MYT1L: variants seen among roughly 807,000 people sequenced by gnomAD.
MYT1L encodes myelin transcription factor 1-like protein.
In MYT1L, 12 loss-of-function variants were observed where a neutral mutation model predicts 126.7. The observed-to-expected ratio is 0.09, with a 90% CI of 0.06 to 0.15. The LOEUF (loss-of-function observed/expected upper bound fraction) is 0.15, where lower values mean the gene tolerates loss of function less well. MYT1L is among the 10% of genes least tolerant of loss of function. The pLI, the probability that MYT1L is intolerant of heterozygous loss-of-function variation, is 1.00. For synonymous variants in MYT1L, 541 were observed against 604.2 expected, an observed-to-expected ratio of 0.90 and a Z score of 1.53; for missense variants, 979 against 1,585.2, an observed-to-expected ratio of 0.62 and a Z score of 6.49.
intron 20 of MYT1L, among the ~76,000 whole-genome samples, chr2:1,839,839 T>C (rs2041420888): frequency 6.6e-6 from 1 of 152,242 alleles, no homozygotes; most frequent in Non-Finnish European, 1.5e-5. Context: ...TGGCCGTATC[T>C]TCTGGAGGCC....
At chr2:2,145,210 CTG>C (rs1292853641) in intron 3 of MYT1L, among the ~76,000 whole-genome samples, 1 of 152,176 alleles carries the variant, frequency 6.6e-6, no homozygotes, top group African/African-American at 2.4e-5. Context: ...GCCTCATTGT[CTG>C]TGTACGACCT....
chr2:2,142,939 G>A (rs2084239265), intron 3 of MYT1L, among the ~76,000 whole-genome samples: 2 of 151,124 alleles, frequency 1.3e-5, no homozygotes, highest in Admixed American at 6.6e-5. Context: ...TGCCTGCCTC[G>A]GCCTCCCAAA....
At chr2:1,994,492 G>A (rs1007398033) in intron 5 of MYT1L, among the ~76,000 whole-genome samples, 3 of 152,120 alleles carry the variant, frequency 2.0e-5, no homozygotes, top group African/African-American at 4.8e-5. Flanking sequence ...CCCCTGGGCC[G>A]TGCTGTCTCC....
intron 4 of MYT1L, among the ~76,000 whole-genome samples, chr2:2,013,919 T>C (rs1237432888): frequency 6.6e-6 from 1 of 152,206 alleles, no homozygotes; most frequent in Non-Finnish European, 1.5e-5. Flanking sequence ...CACATAAACT[T>C]TTTAAGGCAC....
At chr2:2,001,237 C>CTTTTTTTTTTTTTTTTCTTTTTTTTTTT (rs11389323) in intron 4 of MYT1L, among the ~76,000 whole-genome samples, 1 of 103,910 alleles carries the variant, frequency 9.6e-6, no homozygotes, top group Non-Finnish European at 1.9e-5. Context: ...TTGGTTTTAG[C>CTTTTTTTTTTTTTTTTCTTTTTTTTTTT]TTTTTTTTTT....
At chr2:1,934,366 C>T (rs10175420) in intron 9 of MYT1L, among the ~76,000 whole-genome samples, 31,555 of 147,746 alleles carry the variant, frequency 0.21, 3,452 homozygotes, top group East Asian at 0.33. Flanking sequence ...TTTCTATAAA[C>T]GGCCCACCAG....
intron 9 of MYT1L, among the ~76,000 whole-genome samples, chr2:1,940,490 C>A (rs918979091): frequency 6.7e-6 from 1 of 148,590 alleles, no homozygotes; most frequent in African/African-American, 2.5e-5. Flanking sequence ...GCTCAGTAAA[C>A]TGGGTGCACC....
Position 2,328,626 on chromosome 2 carries a change from A to G in MYT1L, c.-521+2341T>C, listed in dbSNP as rs187419091. ...AGAAGTTGAAATTTGTGTGTCATGC[A>G]TACTTTCTACCTTACTGTGACACCA... On this transcript the variant is annotated intron_variant, in intron 1 of 24. Coordinates refer to ENST00000647738, the MANE Select transcript of MYT1L (RefSeq NM_001303052.2). 1.7e-4 allele frequency among the ~76,000 whole-genome samples: 26 copies of G among 152,340 alleles called. No homozygotes were observed. In the East Asian group the frequency reaches 4.8e-3, roughly 28 times the overall value.
At chr2:2,310,594 C>T (rs1006124003) in intron 1 of MYT1L, among the ~76,000 whole-genome samples, 1 of 152,148 alleles carries the variant, frequency 6.6e-6, no homozygotes, top group Non-Finnish European at 1.5e-5. Flanking sequence ...TGCTAGAACC[C>T]TACGTTTTCT....
At chr2:1,870,869 G>A (rs775141740) in intron 18 of MYT1L, among the ~76,000 whole-genome samples, 11 of 152,234 alleles carry the variant, frequency 7.2e-5, no homozygotes, top group Non-Finnish European at 1.6e-4. Flanking sequence ...TCCTACGTGT[G>A]GAAGCAGGTT....
intron 2 of MYT1L, among the ~76,000 whole-genome samples, chr2:2,255,804 C>T (rs527783676): frequency 2.6e-5 from 4 of 152,228 alleles, no homozygotes; most frequent in South Asian, 2.1e-4. Flanking sequence ...TTTCTAGTCC[C>T]GCTGCTTTCT....
At chr2:1,934,307 T>TATATATATAC (rs71276816) in intron 9 of MYT1L, among the ~76,000 whole-genome samples, 1 of 132,126 alleles carries the variant, frequency 7.6e-6, no homozygotes, top group Non-Finnish European at 1.7e-5. Context: ...TATATATATA[T>TATATATATAC]ACAACCTCAT....
chr2:1,942,906 A>G, intron 9 of MYT1L, 76 bp downstream of exon 9: 14 of 1,455,414 alleles, frequency 9.6e-6, no homozygotes, highest in Non-Finnish European at 1.2e-5. Flanking sequence ...AGTCATTCGT[A>G]GTAACAGCCG....
intron 2 of MYT1L, among the ~76,000 whole-genome samples, chr2:2,191,971 AG>A (rs1282646280): frequency 6.6e-6 from 1 of 152,262 alleles, no homozygotes; most frequent in Non-Finnish European, 1.5e-5. Context: ...ATGAGATGAC[AG>A]ACTGCAGACG....
intron 1 of MYT1L, among the ~76,000 whole-genome samples, chr2:2,317,119 T>A (rs558187882): frequency 6.6e-6 from 1 of 152,198 alleles, no homozygotes; most frequent in African/African-American, 2.4e-5. Flanking sequence ...GCCCGGCCAG[T>A]CCAGTGATTT....
chr2:1,923,882 T>G (rs2053887926), intron 9 of MYT1L, among the ~76,000 whole-genome samples: 1 of 152,248 alleles, frequency 6.6e-6, no homozygotes, highest in African/African-American at 2.4e-5. Flanking sequence ...CAAGACAATT[T>G]ATCATGATAC....
intron 2 of MYT1L, among the ~76,000 whole-genome samples, chr2:2,209,980 A>C (rs1019079263): frequency 6.6e-6 from 1 of 152,096 alleles, no homozygotes; most frequent in Non-Finnish European, 1.5e-5. Context: ...GATATAAGCC[A>C]TTTTAAGTGG....
chr2:2,246,856 A>G (rs928560842), intron 2 of MYT1L, among the ~76,000 whole-genome samples: 19 of 152,198 alleles, frequency 1.2e-4, no homozygotes, highest in East Asian at 3.9e-4. Context: ...AACATGTTCA[A>G]TGCTTTTTAA....
chr2:2,176,924 A>C (rs755607794), intron 2 of MYT1L, among the ~76,000 whole-genome samples: 2 of 152,228 alleles, frequency 1.3e-5, no homozygotes, highest in Non-Finnish European at 2.9e-5. Flanking sequence ...TAAAGACATC[A>C]CATGAATAAT....
Sources: allele counts gnomAD v4.1 joint callset (sites outside exome capture counted in the v4.1 genomes callset), GRCh38; gene constraint gnomAD v4.1.1; transcripts MANE v1.5; gene names NCBI Gene and HGNC (gene_info 2026-07-23, HGNC 2026-07-21).